NSMF: variants seen among roughly 807,000 people sequenced by gnomAD.
The protein encoded by NSMF is NMDA receptor synaptonuclear signaling and neuronal migration factor.
Under a neutral mutation model 71.0 loss-of-function variants are expected in NSMF, and 31 were observed. The ratio of observed to expected loss-of-function variants is 0.44; its 90% CI spans 0.33 to 0.59. The LOEUF (loss-of-function observed/expected upper bound fraction) is 0.59, where lower values mean the gene tolerates loss of function less well. Ranked by LOEUF, NSMF falls within the 20% of genes least tolerant of loss-of-function variation. The pLI, the probability that NSMF is intolerant of heterozygous loss-of-function variation, is 0.04. For synonymous variants in NSMF, 345 were observed against 287.1 expected, an observed-to-expected ratio of 1.20 and a Z score of -2.04; for missense variants, 673 against 740.5, an observed-to-expected ratio of 0.91 and a Z score of 1.06.
intron 2 of NSMF, 112 bp from the exon 3 acceptor site, chr9:137,458,013 C>A: frequency 6.9e-7 from 1 of 1,453,334 alleles, no homozygotes; most frequent in East Asian, 2.5e-5. Flanking sequence ...CTGTGGGGGA[C>A]TAGGGCTGCC....
At chr9:137,457,145 G>A (rs1364001500) in intron 3 of NSMF, among the ~76,000 whole-genome samples, 1 of 152,194 alleles carries the variant, frequency 6.6e-6, no homozygotes, top group African/African-American at 2.4e-5. Context: ...CCTCCAGGAA[G>A]CACTCCTTGA....
chr9:137,451,748 G>A (rs1478061401), intron 12 of NSMF, among the ~76,000 whole-genome samples: 8 of 34,874 alleles, frequency 2.3e-4, no homozygotes, highest in Admixed American at 3.6e-4. Context: ...CCCCCGCCAC[G>A]TCTCTTCTCC....
rs914036120 is a variant in NSMF at position 137,449,291 on chromosome 9, C to T, written c.*103G>A. Reference sequence around the variant, plus strand: ...TGAGGTGCCCTGAAGTGGCTCCAGGCGAGACCGGAGCCACACAGTCCCGGG... The same window carrying T: ...TGAGGTGCCCTGAAGTGGCTCCAGGTGAGACCGGAGCCACACAGTCCCGGG... On this transcript the variant is annotated 3_prime_UTR_variant, in exon 16 of 16. Coordinates refer to ENST00000371475, the MANE Select transcript of NSMF (RefSeq NM_001130969.3). 7 of 988,426 alleles carry T rather than the reference C, an allele frequency of 7.1e-6. No homozygotes were observed. Among genetic ancestry groups the T allele is most frequent in the South Asian group, 4.0e-5 (3 of 74,524 alleles). 61.2% of individuals were successfully genotyped at this position (988,426 alleles called of 1,614,324 possible).
At chr9:137,454,710 C>A (rs1196020338) in intron 6 of NSMF, 2 of 1,509,706 alleles carry the variant, frequency 1.3e-6, no homozygotes. Flanking sequence ...AGCTGCATTC[C>A]CAGGCTCTGA....
intron 12 of NSMF, among the ~76,000 whole-genome samples, chr9:137,450,457 C>T (rs1421911408): frequency 1.0e-5 from 1 of 95,840 alleles, no homozygotes; most frequent in Non-Finnish European, 2.1e-5. Flanking sequence ...CACGCCTCTT[C>T]CCCTTGATCT....
chr9:137,449,384 C>G lies in NSMF; in HGVS notation c.*10G>C. 6.2e-7 allele frequency: 1 copy of G among 1,610,034 alleles called. No homozygotes were observed. The highest frequency in any genetic ancestry group is 8.5e-7 in the Non-Finnish European group (1 of 1,177,576). ...TGGCCTGATGGTGACTGGGCGGAGG[C>G]CTCTGCCCCTCACAGGACGTCGTCA... On this transcript the variant is annotated 3_prime_UTR_variant, in exon 16 of 16. Coordinates refer to ENST00000371475, the MANE Select transcript of NSMF (RefSeq NM_001130969.3).
In NSMF at chr9:137,453,732, G is replaced by C; in HGVS notation, c.921C>G (p.Asp307Glu). ...MKADTSHDSR[D>E]SSDLQSSHCT... ...GGCGGGCCTGTGCGGGGCACCTACT[G>C]TCTCGGGAGTCGTGGGAAGTGTCGG... The change falls in exon 8 of 16, where the codon GAC (aspartate) becomes GAG (glutamate). Residue 307 changes from aspartate to glutamate, a missense_variant and splice_region_variant. This residue lies in a region of NSMF where 471 missense variants were observed against 459.6 expected (regional missense o/e 1.02). Coordinates refer to ENST00000371475, the MANE Select transcript of NSMF (RefSeq NM_001130969.3). The surrounding 1 kb of genome is among the most constrained non-coding windows in gnomAD (Gnocchi z 4.5). The C allele has an allele frequency of 6.2e-7, 1 of 1,600,502 alleles. No individual in the cohort carries two copies. Among genetic ancestry groups the C allele is most frequent in the Non-Finnish European group, 8.5e-7 (1 of 1,177,274 alleles).
intron 4 of NSMF, among the ~76,000 whole-genome samples, 195 bp downstream of exon 4, chr9:137,456,216 G>T (rs941163513): frequency 2.6e-5 from 4 of 152,106 alleles, no homozygotes; most frequent in East Asian, 3.9e-4. Flanking sequence ...GTGGGGGGGG[G>T]GGCTGGGCAC....
At chr9:137,450,377 TG>T in intron 12 of NSMF, 122 bp from the exon 13 acceptor site, 1 of 747,862 alleles carries the variant, frequency 1.3e-6, no homozygotes, top group Non-Finnish European at 2.4e-6. Flanking sequence ...TTCTTCCCCT[TG>T]ATCTCCCCCA....
rs1301555143 is a variant in NSMF at position 137,449,308 on chromosome 9, A to G, written c.*86T>C. ...GCTCCAGGCGAGACCGGAGCCACACAGTCCCGGGGAGCACGAGGCGGCCCA... is the reference window on the plus strand; with the variant it reads ...GCTCCAGGCGAGACCGGAGCCACACGGTCCCGGGGAGCACGAGGCGGCCCA... On this transcript the variant is annotated 3_prime_UTR_variant, in exon 16 of 16. Coordinates refer to ENST00000371475, the MANE Select transcript of NSMF (RefSeq NM_001130969.3). The G allele has an allele frequency of 4.4e-6, 5 of 1,138,462 alleles. No individual in the cohort carries two copies. Among genetic ancestry groups the G allele is most frequent in the Non-Finnish European group, 6.5e-6 (5 of 766,772 alleles). The allele number at this position is 1,138,462 out of a possible 1,614,324, so 70.5% of individuals were successfully genotyped here.
In NSMF at chr9:137,453,117, G is replaced by T. The variant is rs757172888; in HGVS notation, c.986C>A (p.Thr329Asn). The change falls in exon 9 of 16, where the codon ACT becomes AAT. Residue 329 changes from threonine (T) to asparagine (N), a missense_variant. Coordinates refer to ENST00000371475, the MANE Select transcript of NSMF (RefSeq NM_001130969.3). This position sits in a 1 kb window ranked among gnomAD's most constrained non-coding sequence, Gnocchi z 4.5. ...DEAFEDLDWD[T>N]EKGLEAVACD... is the part of the protein sequence containing the mutation. ...GGCCACAGCCTCCAGGCCCTTCTCA[G>T]TGTCCCAGTCCAGGTCCTCGAAGGC... The T allele has an allele frequency of 1.7e-5, 27 of 1,612,584 alleles. 1 individual carries two copies. In the South Asian group the frequency reaches 2.6e-4, roughly 16 times the overall value.
chr9:137,454,351 C>G, intron 7 of NSMF, 40 bp downstream of exon 7: 3 of 1,540,196 alleles, frequency 1.9e-6, no homozygotes, highest in Non-Finnish European at 2.6e-6. Context: ...ACCAGCCAAG[C>G]GCAACGCCGC....
At chr9:137,455,750 AG>A in intron 4 of NSMF, 116 bp from the exon 5 acceptor site, 2 of 1,170,426 alleles carry the variant, frequency 1.7e-6, no homozygotes, top group South Asian at 2.6e-5. Flanking sequence ...CTGACCCAAT[AG>A]GTCCCTCACA....
intron 1 of NSMF, among the ~76,000 whole-genome samples, chr9:137,458,823 G>A (rs1040338335): frequency 2.6e-5 from 4 of 152,164 alleles, no homozygotes; most frequent in East Asian, 3.9e-4. Flanking sequence ...CGACCTGGGG[G>A]GTGCGCTCGC....
chr9:137,455,278 C>T lies in NSMF; in HGVS notation c.740G>A (p.Arg247His), dbSNP rs775464521. 7 of 1,612,808 alleles carry T rather than the reference C, an allele frequency of 4.3e-6. No homozygotes were observed. Among genetic ancestry groups the T allele is most frequent in the East Asian group, 2.2e-5 (1 of 44,884 alleles). The change falls in exon 6 of 16, where the codon CGC (arginine) becomes CAC (histidine). Residue 247 changes from arginine (R) to histidine (H), a missense_variant. Arg to His is a conservative substitution (Grantham distance 29, BLOSUM62 0). Transcript: ENST00000371475. ...CGCGGAATCATTCTCCCGTTTCCGGCGCTTCCTCTCCGCGTAGCCCCTGAA... is the reference window on the plus strand; with the variant it reads ...CGCGGAATCATTCTCCCGTTTCCGGTGCTTCCTCTCCGCGTAGCCCCTGAA... Reference protein sequence around the residue: ...SVFRGYAERKRRKRENDSASV... With the variant: ...SVFRGYAERKHRKRENDSASV...
rs2131985393 is a variant in NSMF, at chr9:137,453,705, T to C, written c.922+26A>G. 1.3e-6 allele frequency: 2 copies of C among 1,561,978 alleles called. No individual in the cohort carries two copies. Among genetic ancestry groups the C allele is most frequent in the Non-Finnish European group, 1.7e-6 (2 of 1,153,078 alleles). On this transcript the variant is annotated intron_variant, in intron 8 of 15. Coordinates refer to ENST00000371475, the MANE Select transcript of NSMF (RefSeq NM_001130969.3). This position sits in a 1 kb window ranked among gnomAD's most constrained non-coding sequence, Gnocchi z 4.5. ...GGTCTAGGGGAGGCTCTGGGGAAGGTGGGCGGGCCTGTGCGGGGCACCTAC... is the reference window on the plus strand; with the variant it reads ...GGTCTAGGGGAGGCTCTGGGGAAGGCGGGCGGGCCTGTGCGGGGCACCTAC...
In NSMF at chr9:137,453,954, C is replaced by T. The variant is rs1830686966; in HGVS notation, c.833-134G>A. 1.4e-6 allele frequency: 1 copy of T among 707,872 alleles called. No homozygotes were observed. Among genetic ancestry groups the T allele is most frequent in the East Asian group, 2.7e-5 (1 of 36,804 alleles). 43.8% of individuals were successfully genotyped at this position (707,872 alleles called of 1,614,324 possible). ...TGGGTGGGGTCTAAGGCACATGAAG[C>T]AGACACGGACCAGAGGCTCGGTTGG... On this transcript the variant is annotated intron_variant, in intron 7 of 15. Coordinates refer to ENST00000371475, the MANE Select transcript of NSMF (RefSeq NM_001130969.3). This position sits in a 1 kb window ranked among gnomAD's most constrained non-coding sequence, Gnocchi z 4.5.
chr9:137,456,471 C>T lies in NSMF; in HGVS notation c.644G>A (p.Arg215His), dbSNP rs375206232. Reference sequence around the variant, plus strand: ...AAGATTTTCCTTGGGGAACCAGGTACGAATAGGGATGTCGTCTAAGAGAGA... The same window carrying T: ...AAGATTTTCCTTGGGGAACCAGGTATGAATAGGGATGTCGTCTAAGAGAGA... ...VDRVSDDIPIRTWFPKENLFS... is the reference protein window; with the variant it reads ...VDRVSDDIPIHTWFPKENLFS... The change falls in exon 4 of 16, where the codon CGT (arginine) becomes CAT (histidine). Residue 215 changes from arginine to histidine, a missense_variant. Arg to His is a conservative substitution (Grantham distance 29). Around this residue, in one of 2 missense-constraint regions of NSMF, gnomAD observed 471 missense variants for 459.6 expected, o/e 1.02. Coordinates refer to ENST00000371475, the MANE Select transcript of NSMF (RefSeq NM_001130969.3). 4.3e-6 allele frequency: 7 copies of T among 1,612,456 alleles called. No individual in the cohort carries two copies. Among genetic ancestry groups the T allele is most frequent in the East Asian group, 4.5e-5 (2 of 44,876 alleles).
intron 3 of NSMF, 141 bp downstream of exon 3, chr9:137,457,266 C>G: frequency 8.1e-7 from 1 of 1,235,990 alleles, no homozygotes; most frequent in Non-Finnish European, 1.2e-6. Context: ...AGAAGCCTGC[C>G]GGTTTTAATC....
Sources: gnomAD v4.1 joint callset for allele counts (sites outside exome capture counted in the v4.1 genomes callset) on GRCh38, gnomAD v4.1.1 for gene constraint, gnomAD v4.1.1 regional missense constraint, Gnocchi (gnomAD v3.1) non-coding constraint, MANE v1.5 for transcripts, NCBI Gene and HGNC (gene_info 2026-07-23, HGNC 2026-07-21) for gene names.